Variants in TRPM5 observed in about 807,000 individuals in gnomAD.
TRPM5 encodes transient receptor potential cation channel subfamily M member 5, also known as MLSN1 and TRP-related.
In TRPM5, 121 loss-of-function variants were observed where a neutral mutation model predicts 124.9. The observed-to-expected ratio is 0.97, with a 90% confidence interval of 0.84 to 1.13. The LOEUF (loss-of-function observed/expected upper bound fraction) is 1.13, where lower values mean the gene tolerates loss of function less well. TRPM5 is among the 50% of genes most tolerant of loss of function. The pLI is 0.00. For missense variants in TRPM5, 1,643 were observed against 1,589.1 expected (o/e 1.03, Z -0.58); for synonymous variants, 781 against 700.5 (o/e 1.11, Z -1.81).
chr11:2,413,724 G>C (rs1228394138), intron 12 of TRPM5, 136 bp from the exon 18 acceptor site: 1 of 847,348 alleles, frequency 1.2e-6, no homozygotes. Context: ...CCCTCCCGGA[G>C]CCCCCGTCCT....
At chr11:2,407,696 G>A (rs1850351338) in intron 19 of TRPM5, 63 bp downstream of exon 24, 1 of 1,581,996 alleles carries the variant, frequency 6.3e-7, no homozygotes, top group Middle Eastern at 1.7e-4. Flanking sequence ...AGGCGGTGTT[G>A]GGGAATGACC....
At chr11:2,418,686 G>A (rs1208746107) in intron 4 of TRPM5, 95 bp from the exon 10 acceptor site, 10 of 1,291,386 alleles carry the variant, frequency 7.7e-6, no homozygotes, top group Non-Finnish European at 9.7e-6. Flanking sequence ...CTGGCCAAAA[G>A]CTGGCTCTTC....
At chr11:2,435,902 C>T in the TRPM5 span, among the ~76,000 whole-genome samples, 1 of 152,216 alleles carries the variant, frequency 6.6e-6, no homozygotes, top group African/African-American at 2.4e-5. This position sits in a 1 kb window ranked among gnomAD's most constrained non-coding sequence, Gnocchi z 4.1. Flanking sequence ...GAGTCAGTCT[C>T]TGGTCTCAGG....
At chr11:2,420,977 T>C in intron 3 of TRPM5, 55 bp downstream of exon 8, 5 of 1,489,998 alleles carry the variant, frequency 3.4e-6, no homozygotes, top group Non-Finnish European at 8.9e-7. Flanking sequence ...CAAACCCTTC[T>C]GAGCCCCTGC....
chr11:2,411,364 C>A, exon 18 of TRPM5: 2 of 1,603,590 alleles, frequency 1.2e-6, no homozygotes, highest in Non-Finnish European at 1.7e-6. Context: ...TCAATCTCGT[C>A]CAGTGGGATC....
intron 18 of TRPM5, chr11:2,410,564 A>C (rs1006989036): frequency 2.1e-5 from 7 of 335,392 alleles, no homozygotes; most frequent in African/African-American, 1.1e-4. Flanking sequence ...ACTGAGTCCC[A>C]GCCATCCCAG....
rs1248711841 is a variant in TRPM5 at position 2,405,612 on chromosome 11, T to C, written c.3325-19A>G. ...AGTTGATCTGGAGAAGGGAAACACG[T>C]CCGGGAAGCTCCAGGGCTCTCTCAG... On this transcript the variant is annotated intron_variant, in intron 22 of 23. Coordinates refer to ENST00000155858, the Ensembl canonical transcript of TRPM5. 7 of 1,553,668 alleles carry C rather than the reference T, an allele frequency of 4.5e-6. No homozygotes were observed. The highest frequency in any genetic ancestry group is 6.1e-6 in the Non-Finnish European group (7 of 1,148,210).
chr11:2,434,394 AGAGT>A, the TRPM5 span, among the ~76,000 whole-genome samples: 1 of 135,484 alleles, frequency 7.4e-6, no homozygotes. Context: ...GCTGTTTGTG[AGAGT>A]GTGTGTGTGT....
intron 16 of TRPM5, 70 bp from the exon 22 acceptor site, chr11:2,411,837 C>A (rs1850458557): frequency 1.3e-6 from 2 of 1,583,182 alleles, no homozygotes; most frequent in Non-Finnish European, 1.7e-6. Context: ...GGGCACACAG[C>A]ATGCTGGCTG....
At chr11:2,407,980 C>G in intron 18 of TRPM5, 68 bp from the exon 24 acceptor site, 1 of 1,574,024 alleles carries the variant, frequency 6.4e-7, no homozygotes. Flanking sequence ...GGCAAATGCC[C>G]CGAGATAGAG....
chr11:2,406,020 T>C, exon 22 of TRPM5: 4 of 1,611,204 alleles, frequency 2.5e-6, no homozygotes, highest in Non-Finnish European at 3.4e-6. Flanking sequence ...CTCGCTTGCC[T>C]GTGACTCCAG....
chr11:2,434,455 G>C, the TRPM5 span, among the ~76,000 whole-genome samples: 1 of 151,780 alleles, frequency 6.6e-6, no homozygotes, highest in Non-Finnish European at 1.5e-5. Flanking sequence ...GTGTGTGTGT[G>C]TGTGGACACT....
chr11:2,431,498 C>A, the TRPM5 span, among the ~76,000 whole-genome samples: 1 of 152,140 alleles, frequency 6.6e-6, no homozygotes, highest in African/African-American at 2.4e-5. Context: ...TGGTCCTGCC[C>A]TCCACCTCCA....
chr11:2,426,412 T>C (rs547738983), upstream of TRPM5, among the ~76,000 whole-genome samples: 19 of 152,068 alleles, frequency 1.2e-4, 1 homozygote, highest in Admixed American at 4.6e-4. Context: ...CATGAGCAGG[T>C]GCCCAGGTCT....
the TRPM5 span, among the ~76,000 whole-genome samples, chr11:2,431,428 G>A: frequency 6.6e-6 from 1 of 152,116 alleles, no homozygotes; most frequent in Non-Finnish European, 1.5e-5. Context: ...TGAATAATGA[G>A]GAGGTTCCCC....
At chr11:2,405,549 C>T (rs932004220) in exon 23 of TRPM5, 9 of 1,564,786 alleles carry the variant, frequency 5.8e-6, no homozygotes, top group African/African-American at 1.4e-5. Context: ...CACCCTGGGC[C>T]AGCACGTCAG....
At chr11:2,421,181 T>G (rs772206472) in exon 3 of TRPM5, 4 of 1,540,196 alleles carry the variant, frequency 2.6e-6, no homozygotes, top group Non-Finnish European at 3.5e-6. Flanking sequence ...CGGAGGGCAC[T>G]GGTCAGGATC....
At chr11:2,411,374 C>T (rs1315480973) in exon 18 of TRPM5, 1 of 1,606,924 alleles carries the variant, frequency 6.2e-7, no homozygotes, top group Non-Finnish European at 8.5e-7. Context: ...CCAGTGGGAT[C>T]TGGCCGAAGA....
chr11:2,410,947 C>T (rs1265594266), intron 18 of TRPM5, among the ~76,000 whole-genome samples: 1 of 152,154 alleles, frequency 6.6e-6, no homozygotes, highest in Non-Finnish European at 1.5e-5. Flanking sequence ...GCCCAGACCC[C>T]GGATGATGGC....
Sources: gnomAD v4.1 joint callset for allele counts (sites outside exome capture counted in the v4.1 genomes callset) on GRCh38, gnomAD v4.1.1 for gene constraint, Gnocchi (gnomAD v3.1) non-coding constraint, MANE v1.5 for transcripts, NCBI Gene and HGNC (gene_info 2026-07-23, HGNC 2026-07-21) for gene names.